TMEM132C: variants seen among roughly 807,000 people sequenced by gnomAD.
The protein encoded by TMEM132C is transmembrane protein 132C, also known as protein phosphatase 1, regulatory subunit 152.
A neutral mutation model predicts 61.4 loss-of-function variants in TMEM132C; 29 were observed. That is an observed-to-expected ratio of 0.47 (90% CI 0.35 to 0.64). The LOEUF (loss-of-function observed/expected upper bound fraction) is 0.64, where lower values mean the gene tolerates loss of function less well. TMEM132C is among the 30% of genes least tolerant of loss of function. TMEM132C has a pLI of 0.00. For synonymous variants in TMEM132C, 656 were observed against 633.1 expected (o/e 1.04, Z -0.54); for missense variants, 1,408 against 1,476.9 (o/e 0.95, Z 0.76).
At chr12:128,427,428 G>GTGTGTGTGTGTGTGTGTGTGTA (rs1359402190) in intron 2 of TMEM132C, among the ~76,000 whole-genome samples, 2 of 129,196 alleles carry the variant, frequency 1.5e-5, no homozygotes, top group South Asian at 2.9e-4. Flanking sequence ...GTGTGTGTGT[G>GTGTGTGTGTGTGTGTGTGTGTA]TATATATATT....
intron 5 of TMEM132C, among the ~76,000 whole-genome samples, chr12:128,688,815 T>C (rs1311432468): frequency 6.6e-6 from 1 of 151,964 alleles, no homozygotes; most frequent in Non-Finnish European, 1.5e-5. Flanking sequence ...AAAAATTGGG[T>C]TTCTTTTCTG....
intron 2 of TMEM132C, among the ~76,000 whole-genome samples, chr12:128,475,094 G>T (rs1241654487): frequency 6.6e-6 from 1 of 152,136 alleles, no homozygotes; most frequent in Non-Finnish European, 1.5e-5. Context: ...GGCTGTGGGT[G>T]GGGGCACAGC....
At chr12:128,583,799 A>C (rs1189886958) in intron 3 of TMEM132C, among the ~76,000 whole-genome samples, 2 of 152,198 alleles carry the variant, frequency 1.3e-5, no homozygotes, top group East Asian at 3.9e-4. Flanking sequence ...GAAGCTGTGC[A>C]TGAAGCTGGC....
chr12:128,347,393 G>GTCTCTCTCTC (rs1330764900), intron 1 of TMEM132C, among the ~76,000 whole-genome samples: 92 of 116,738 alleles, frequency 7.9e-4, no homozygotes, highest in African/African-American at 3.8e-3. Context: ...GCATGCATAT[G>GTCTCTCTCTC]TATGTCTCTC....
intron 4 of TMEM132C, among the ~76,000 whole-genome samples, chr12:128,619,589 G>A (rs1161664074): frequency 6.6e-6 from 1 of 152,316 alleles, no homozygotes; most frequent in South Asian, 2.1e-4. Flanking sequence ...TGCCTTGTGA[G>A]GGCAGGAAAG....
chr12:128,561,246 G>A, intron 3 of TMEM132C, among the ~76,000 whole-genome samples: 1 of 152,216 alleles, frequency 6.6e-6, no homozygotes, highest in East Asian at 1.9e-4. Flanking sequence ...CATTCCAGTT[G>A]GCAAGAACTT....
intron 1 of TMEM132C, among the ~76,000 whole-genome samples, chr12:128,341,591 A>G (rs1872979478): frequency 6.6e-6 from 1 of 152,206 alleles, no homozygotes. Context: ...TAACTACTCT[A>G]TACAATAAAC....
intron 1 of TMEM132C, among the ~76,000 whole-genome samples, chr12:128,284,098 A>G (rs1472332401): frequency 2.6e-5 from 4 of 152,194 alleles, no homozygotes; most frequent in Non-Finnish European, 4.4e-5. Context: ...GTGGTGAATG[A>G]GCACGTTGAC....
intron 2 of TMEM132C, among the ~76,000 whole-genome samples, chr12:128,470,113 G>A (rs1450618149): frequency 6.6e-6 from 1 of 152,134 alleles, no homozygotes. Context: ...GAAGTTTCCT[G>A]TTCCAAGTGG....
chr12:128,612,578 T>C (rs1278390662), intron 3 of TMEM132C, among the ~76,000 whole-genome samples: 1 of 152,230 alleles, frequency 6.6e-6, no homozygotes, highest in African/African-American at 2.4e-5. Flanking sequence ...CAAAAGTGTC[T>C]GCTCTGACAC....
intron 3 of TMEM132C, among the ~76,000 whole-genome samples, chr12:128,577,549 C>T (rs891815682): frequency 2.6e-5 from 4 of 152,210 alleles, no homozygotes; most frequent in Non-Finnish European, 5.9e-5. Context: ...AGTGGCTGAG[C>T]GTTCTGTCCC....
chr12:128,366,279 A>C (rs1028507753), intron 1 of TMEM132C, among the ~76,000 whole-genome samples: 10 of 152,094 alleles, frequency 6.6e-5, no homozygotes, highest in African/African-American at 2.4e-4. Flanking sequence ...CCGGTTTTCT[A>C]GCCTTTGAGG....
chr12:128,576,156 G>T (rs1460850087), intron 3 of TMEM132C, among the ~76,000 whole-genome samples: 1 of 152,078 alleles, frequency 6.6e-6, no homozygotes, highest in Non-Finnish European at 1.5e-5. Context: ...TCGGGAGGGT[G>T]AGGCAGGAGA....
chr12:128,619,535 C>T (rs558704082), intron 4 of TMEM132C, among the ~76,000 whole-genome samples: 8 of 152,318 alleles, frequency 5.3e-5, no homozygotes, highest in African/African-American at 1.4e-4. Context: ...CCAAGGCCAC[C>T]GTTTTGCTCG....
rs1337765675 is a variant in TMEM132C, at chr12:128,415,371, C to T, written c.725C>T (p.Ala242Val). The T allele has an allele frequency of 8.4e-6, 13 of 1,555,816 alleles. No homozygotes were observed. Among genetic ancestry groups the T allele is most frequent in the Non-Finnish European group, 1.1e-5 (13 of 1,148,662 alleles). The stretch of plus-strand genomic sequence containing the variant: ...CCAGGAAACGAGCGAGGGGACTGTG[C>T]CGGGGGTGACTTCAGGAAGGGCAAC... Reference protein sequence around the residue: ...VHPGNERGDCAGGDFRKGNAI... With the variant: ...VHPGNERGDCVGGDFRKGNAI... The change falls in exon 2 of 9, where the codon GCC (alanine) becomes GTC (valine). Residue 242 changes from alanine to valine, a missense_variant. Transcript: ENST00000435159. This position sits in a 1 kb window ranked among gnomAD's most constrained non-coding sequence, Gnocchi z 5.8.
At chr12:128,385,900 G>A (rs1313030123) in intron 1 of TMEM132C, among the ~76,000 whole-genome samples, 2 of 152,124 alleles carry the variant, frequency 1.3e-5, no homozygotes, top group Non-Finnish European at 2.9e-5. Context: ...GGTGGACAGG[G>A]CTTGTATCTC....
chr12:128,405,057 G>C (rs1034755880), intron 1 of TMEM132C, among the ~76,000 whole-genome samples: 1 of 146,652 alleles, frequency 6.8e-6, no homozygotes, highest in Non-Finnish European at 1.5e-5. Context: ...TAGGAAACCA[G>C]CATTGGACTT....
At chr12:128,651,717 G>C (rs34826806) in intron 4 of TMEM132C, among the ~76,000 whole-genome samples, 22,217 of 152,184 alleles carry the variant, frequency 0.15, 1,690 homozygotes, top group Non-Finnish European at 0.16. Context: ...AATGGGAATG[G>C]GGGGTGAAGG....
chr12:128,336,740 T>C (rs771680711), intron 1 of TMEM132C, among the ~76,000 whole-genome samples: 57 of 152,278 alleles, frequency 3.7e-4, no homozygotes, highest in Middle Eastern at 3.4e-3. Flanking sequence ...TGCCAGTTTT[T>C]AATGCAAAAG....
Sources: allele counts gnomAD v4.1 joint callset (sites outside exome capture counted in the v4.1 genomes callset), GRCh38; gene constraint gnomAD v4.1.1; non-coding constraint Gnocchi (gnomAD v3.1); transcripts MANE v1.5; gene names NCBI Gene and HGNC (gene_info 2026-07-23, HGNC 2026-07-21).